The following RNF126 variants were observed in gnomAD, a reference collection of about 807,000 sequenced individuals.
RNF126 encodes the protein E3 ubiquitin-protein ligase RNF126.
In RNF126, 20 loss-of-function variants were observed where a neutral mutation model predicts 41.9. The ratio of observed to expected loss-of-function variants is 0.48; its 90% CI spans 0.34 to 0.69. The LOEUF is 0.69. Among genes scored for constraint, RNF126 ranks in the 30% least tolerant of loss-of-function variants. The probability of loss-of-function intolerance (pLI) is 0.01; values close to 1 mark genes in which losing one functional copy is unlikely to be tolerated. For synonymous variants in RNF126, 239 were observed against 202.9 expected (o/e 1.18, Z -1.51); for missense variants, 433 against 460.6 (o/e 0.94, Z 0.55).
rs544019234 is a variant in RNF126 at position 649,169 on chromosome 19, G to C, written c.577-194C>G. On this transcript the variant is annotated intron_variant, in intron 6 of 8. Coordinates refer to ENST00000292363, the MANE Select transcript of RNF126 (RefSeq NM_194460.3). ...CCCCGCTCCTGGGTCCCCTGACGGT[G>C]GAATGGGGGAATGGGCGGAGGCCCG... 5 of 322,640 alleles carry C rather than the reference G, an allele frequency of 1.5e-5. No individual in the cohort carries two copies. The South Asian group carries it at 6.2e-4, about 40-fold the overall frequency. The allele number at this position is 322,640 out of a possible 1,614,324, so 20.0% of individuals were successfully genotyped here.
chr19:651,979 C>T (rs988143507), intron 3 of RNF126, 124 bp from the exon 4 acceptor site: 96 of 880,086 alleles, frequency 1.1e-4, no homozygotes, highest in South Asian at 5.3e-4. Flanking sequence ...GGGAGGGAGA[C>T]GCAGACAGGG....
intron 7 of RNF126, 43 bp downstream of exon 7, chr19:648,839 G>A: frequency 8.5e-7 from 1 of 1,179,208 alleles, no homozygotes; most frequent in Non-Finnish European, 1.2e-6. Flanking sequence ...CGTGGCGGCG[G>A]GTGCCTGTAA....
At chr19:652,160 T>C in intron 3 of RNF126, 73 bp downstream of exon 3, 1 of 1,242,174 alleles carries the variant, frequency 8.1e-7, no homozygotes, top group African/African-American at 1.6e-5. Context: ...GGAGGCGAGG[T>C]GGGGACAGGC....
At chr19:660,875 C>T (rs1046307511) in intron 1 of RNF126, among the ~76,000 whole-genome samples, 11 of 152,234 alleles carry the variant, frequency 7.2e-5, no homozygotes, top group African/African-American at 2.7e-4. Flanking sequence ...TGTCTACGGG[C>T]GCCTTGTTGC....
intron 4 of RNF126, 82 bp downstream of exon 4, chr19:651,529 G>A: frequency 7.6e-7 from 1 of 1,312,968 alleles, no homozygotes. Context: ...ACGTTTCCGT[G>A]GAACCCGTGC....
chr19:655,369 G>A (rs552856967), intron 1 of RNF126, among the ~76,000 whole-genome samples: 56 of 151,714 alleles, frequency 3.7e-4, no homozygotes, highest in Non-Finnish European at 7.5e-4. Flanking sequence ...AACTAAAAAC[G>A]GGCAAAGTCG....
At chr19:660,801 T>C (rs2030768601) in intron 1 of RNF126, among the ~76,000 whole-genome samples, 1 of 152,070 alleles carries the variant, frequency 6.6e-6, no homozygotes, top group South Asian at 2.1e-4. Context: ...ACCCCACTAA[T>C]TGTTTTAGTC....
At chr19:649,644 C>T (rs2030173445) in intron 6 of RNF126, 35 bp downstream of exon 6, 4 of 1,535,100 alleles carry the variant, frequency 2.6e-6, no homozygotes, top group Admixed American at 3.9e-5. Context: ...CCAGCCCTCC[C>T]CCAGCAGGCA....
intron 1 of RNF126, among the ~76,000 whole-genome samples, chr19:653,222 A>G (rs1184286750): frequency 6.6e-6 from 1 of 151,966 alleles, no homozygotes; most frequent in Non-Finnish European, 1.5e-5. Context: ...CTCCTCACAC[A>G]GGTGGCACCA....
At chr19:663,018 GC>G in intron 1 of RNF126, 28 bp downstream of exon 1, 3 of 1,279,608 alleles carry the variant, frequency 2.3e-6, no homozygotes, top group Non-Finnish European at 3.0e-6. Context: ...CGCAGACCCT[GC>G]CGCCCGCCGC....
Position 648,352 on chromosome 19 carries a change from CGGGTGGGCGGGG to C in RNF126, c.786+8_786+19del. 2.9e-6 allele frequency: 3 copies of C among 1,025,840 alleles called. No homozygotes were observed. The highest frequency in any genetic ancestry group is 4.1e-5 in the Admixed American group (1 of 24,168). 63.5% of individuals were successfully genotyped at this position (1,025,840 alleles called of 1,614,324 possible). On this transcript the variant is annotated splice_region_variant and intron_variant, in intron 8 of 8. Transcript: ENST00000292363. ...GAGGGCCGCGGTCGGGGTGGGGGGG[CGGGTGGGCGGGG>C]CACTCACCTGCTCCAGCCAGGGCAC...
At chr19:650,407 G>T (rs1156413296) in intron 4 of RNF126, 111 bp from the exon 5 acceptor site, 5 of 842,836 alleles carry the variant, frequency 5.9e-6, no homozygotes, top group Non-Finnish European at 9.3e-6. Context: ...TCAGCTTCTA[G>T]ATTAGCTTCT....
At position 648,448 on chromosome 19, in the gene RNF126, G is replaced by A. The variant is rs373201260; in HGVS notation, c.710C>T (p.Ala237Val). The change falls in exon 8 of 9, where the codon GCG becomes GTG. Residue 237 changes from alanine to valine, a missense_variant. Ala to Val is a moderately conservative substitution (Grantham distance 64, BLOSUM62 0). Coordinates refer to ENST00000292363, the MANE Select transcript of RNF126 (RefSeq NM_194460.3). The part of the protein sequence containing the change: ...LECPVCKDDY[A>V]LGERVRQLPC... ...CAGCTGCCGCACACGCTCACCCAGC[G>A]CGTAGTCGTCCTTGCACACAGGGCA... 1.9e-5 allele frequency: 30 copies of A among 1,590,428 alleles called. No homozygotes were observed. Among genetic ancestry groups the A allele is most frequent in the Middle Eastern group, 2.2e-4 (1 of 4,510 alleles).
Position 651,295 on chromosome 19 carries a change from C to T in RNF126, c.443+316G>A, listed in dbSNP as rs569607421. ...GGAGTGGGGCCCTGCGACGGCTCCC[C>T]CAGGCTCTGTTCTGGGCCCAAGGCC... is the stretch of plus-strand genomic sequence containing the variant. On this transcript the variant is annotated intron_variant, in intron 4 of 8. Coordinates refer to ENST00000292363, the MANE Select transcript of RNF126 (RefSeq NM_194460.3). 3.0e-5 allele frequency: 7 copies of T among 236,784 alleles called. No homozygotes were observed. The East Asian group carries it at 6.1e-4, about 21-fold the overall frequency. 14.7% of individuals were successfully genotyped at this position (236,784 alleles called of 1,614,324 possible).
intron 1 of RNF126, among the ~76,000 whole-genome samples, chr19:657,086 G>A (rs2030591876): frequency 6.6e-6 from 1 of 152,206 alleles, no homozygotes; most frequent in Non-Finnish European, 1.5e-5. Flanking sequence ...ACGTAAGTCA[G>A]CTGTGCAGCT....
intron 7 of RNF126, 36 bp from the exon 8 acceptor site, chr19:648,523 G>T (rs182246420): frequency 1.3e-6 from 2 of 1,498,550 alleles, no homozygotes; most frequent in Admixed American, 2.0e-5. Context: ...CAGCGGGCGT[G>T]GGGGGCCTGC....
At chr19:661,217 G>A (rs911414956) in intron 1 of RNF126, 1 of 152,350 alleles carries the variant, frequency 6.6e-6, no homozygotes, top group Non-Finnish European at 1.5e-5. Flanking sequence ...CCAGTCCTGT[G>A]CGGGCTCTAG....
chr19:649,801 G>A (rs1285778158), intron 5 of RNF126, 53 bp from the exon 6 acceptor site: 12 of 1,397,986 alleles, frequency 8.6e-6, no homozygotes, highest in East Asian at 2.5e-5. Flanking sequence ...GGGCAGGTGC[G>A]TCTATCCACC....
rs1475229573 is a variant in RNF126 at position 648,916 on chromosome 19, G to A, written c.636C>T (p.Ala212=). 2.1e-6 allele frequency: 3 copies of A among 1,420,728 alleles called. No individual in the cohort carries two copies. The highest frequency in any genetic ancestry group is 2.8e-6 in the Non-Finnish European group (3 of 1,085,614). 88.0% of individuals were successfully genotyped at this position (1,420,728 alleles called of 1,614,324 possible). Residue 212 remains alanine, a synonymous_variant, in exon 7 of 9, where the codon GCC becomes GCT. Coordinates refer to ENST00000292363, the MANE Select transcript of RNF126 (RefSeq NM_194460.3). ...PPPADKEKIQ[A]LPTVPVTEEH... ...CCTCAGTGACGGGGACGGTGGGGAGGGCCTGGATTTTCTCTTTATCTGCCG... is the reference window on the plus strand; with the variant it reads ...CCTCAGTGACGGGGACGGTGGGGAGAGCCTGGATTTTCTCTTTATCTGCCG...
Sources: allele counts gnomAD v4.1 joint callset (sites outside exome capture counted in the v4.1 genomes callset), GRCh38; gene constraint gnomAD v4.1.1; transcripts MANE v1.5; gene names NCBI Gene and HGNC (gene_info 2026-07-23, HGNC 2026-07-21).